Variants in PRKN observed in about 807,000 individuals in gnomAD.
The protein encoded by PRKN is parkin RBR E3 ubiquitin protein ligase.
Under a neutral mutation model 59.5 loss-of-function variants are expected in PRKN, and 56 were observed. That is an observed-to-expected ratio of 0.94 (90% CI 0.76 to 1.18). The LOEUF is 1.18. Among genes scored for constraint, PRKN ranks in the 50% most tolerant of loss-of-function variants. The pLI, the probability that PRKN is intolerant of heterozygous loss-of-function variation, is 0.00. For synonymous variants in PRKN, 250 were observed against 222.1 expected, an observed-to-expected ratio of 1.13 and a Z score of -1.12; for missense variants, 657 against 596.4, an observed-to-expected ratio of 1.10 and a Z score of -1.06.
At chr6:161,743,079 T>G (rs1788254997) in intron 7 of PRKN, among the ~76,000 whole-genome samples, 1 of 152,160 alleles carries the variant, frequency 6.6e-6, no homozygotes, top group African/African-American at 2.4e-5. Flanking sequence ...AGTTTCAACT[T>G]ATTGGCTGAA....
intron 4 of PRKN, among the ~76,000 whole-genome samples, chr6:162,135,786 CCTTTT>C (rs1323996691): frequency 6.6e-6 from 1 of 152,126 alleles, no homozygotes; most frequent in Non-Finnish European, 1.5e-5. Context: ...TTTTCAGTCT[CCTTTT>C]CTGACATTAC....
intron 4 of PRKN, among the ~76,000 whole-genome samples, chr6:162,111,734 C>T (rs550086956): frequency 1.1e-3 from 162 of 151,984 alleles, no homozygotes; most frequent in African/African-American, 3.5e-3. Context: ...AAAAATTTTC[C>T]TGGAGAGAGA....
intron 7 of PRKN, among the ~76,000 whole-genome samples, chr6:161,669,586 A>G (rs973901168): frequency 6.6e-5 from 10 of 152,264 alleles, no homozygotes; most frequent in African/African-American, 2.4e-4. Flanking sequence ...AGCATGCCCA[A>G]TATGTAACCT....
rs1786937142 is a variant in PRKN, at chr6:161,399,721, C to T, written c.1084-12844G>A. Among the ~76,000 whole-genome samples the T allele has an allele frequency of 6.6e-6, 1 of 151,966 alleles. No individual in the cohort carries two copies. The highest frequency in any genetic ancestry group is 1.5e-5 in the Non-Finnish European group (1 of 68,010). Reference sequence around the variant, plus strand: ...CCAATCCCAGTGCTAGGGATGATGCCAGCATTCTAGTGTAATTCACTCTGC... The same window carrying T: ...CCAATCCCAGTGCTAGGGATGATGCTAGCATTCTAGTGTAATTCACTCTGC... On this transcript the variant is annotated intron_variant, in intron 9 of 11. Coordinates refer to ENST00000366898, the MANE Select transcript of PRKN (RefSeq NM_004562.3). The surrounding 1 kb of genome is among the most constrained non-coding windows in gnomAD (Gnocchi z 4.4).
At chr6:161,604,140 A>G (rs1782195398) in intron 7 of PRKN, among the ~76,000 whole-genome samples, 1 of 152,240 alleles carries the variant, frequency 6.6e-6, no homozygotes, top group African/African-American at 2.4e-5. Context: ...GGACTAAGAC[A>G]GGAGACTTTT....
chr6:162,399,534 T>TAC (rs201632510), intron 2 of PRKN, among the ~76,000 whole-genome samples: 2 of 151,866 alleles, frequency 1.3e-5, no homozygotes, highest in African/African-American at 4.8e-5. Context: ...GAATAACACA[T>TAC]ACACACACAC....
At chr6:161,434,369 C>T (rs909632535) in intron 9 of PRKN, among the ~76,000 whole-genome samples, 14 of 152,150 alleles carry the variant, frequency 9.2e-5, no homozygotes, top group African/African-American at 1.7e-4. Context: ...CTAACGTCTA[C>T]GGTGCAGGGT....
At chr6:162,182,997 G>A (rs1005752735) in intron 4 of PRKN, among the ~76,000 whole-genome samples, 14 of 151,628 alleles carry the variant, frequency 9.2e-5, no homozygotes, top group African/African-American at 2.4e-4. Context: ...CTTTTCTGCC[G>A]ATTTGAAGAA....
intron 1 of PRKN, among the ~76,000 whole-genome samples, chr6:162,701,076 T>C (rs971489331): frequency 1.3e-5 from 2 of 152,182 alleles, no homozygotes; most frequent in African/African-American, 2.4e-5. Flanking sequence ...AAAAACTTGC[T>C]GAATAAAGGA....
intron 7 of PRKN, among the ~76,000 whole-genome samples, chr6:161,649,546 G>C (rs1028283638): frequency 6.6e-6 from 1 of 152,170 alleles, no homozygotes; most frequent in Non-Finnish European, 1.5e-5. Context: ...TATAAACCAG[G>C]TTCAGAATGG....
chr6:161,376,667 G>A lies in PRKN; in HGVS notation c.1167+10127C>T, dbSNP rs977783039. ...ACATCACGGCGATAGGGCAGCTCAC[G>A]CCCAGTGGTGGAGGGTGGATGCGAA... is the stretch of plus-strand genomic sequence containing the variant. On this transcript the variant is annotated intron_variant, in intron 10 of 11. Coordinates refer to ENST00000366898, the MANE Select transcript of PRKN (RefSeq NM_004562.3). This position sits in a 1 kb window ranked among gnomAD's most constrained non-coding sequence, Gnocchi z 7.3. 1.1e-4 allele frequency among the ~76,000 whole-genome samples: 17 copies of A among 152,198 alleles called. No individual in the cohort carries two copies. Among genetic ancestry groups the A allele is most frequent in the African/African-American group, 3.1e-4 (13 of 41,530 alleles).
intron 1 of PRKN, among the ~76,000 whole-genome samples, chr6:162,628,303 G>A (rs1782977455): frequency 1.3e-5 from 2 of 152,110 alleles, no homozygotes; most frequent in South Asian, 4.1e-4. Context: ...ATCCAGTTAA[G>A]AAATCAATGA....
chr6:162,714,222 CCT>C (rs1297064679), intron 1 of PRKN, among the ~76,000 whole-genome samples: 17 of 152,210 alleles, frequency 1.1e-4, no homozygotes, highest in East Asian at 5.8e-4. Context: ...CAAAACTACC[CCT>C]GATTTACAAG....
intron 1 of PRKN, among the ~76,000 whole-genome samples, chr6:162,723,410 G>C (rs979226499): frequency 6.6e-6 from 1 of 152,190 alleles, no homozygotes; most frequent in African/African-American, 2.4e-5. Flanking sequence ...AGGGAGGGCA[G>C]GGCCACCAAG....
chr6:161,366,078 G>A (rs1785185354), intron 10 of PRKN, among the ~76,000 whole-genome samples: 1 of 152,228 alleles, frequency 6.6e-6, no homozygotes, highest in Non-Finnish European at 1.5e-5. Flanking sequence ...CTACTGGAAG[G>A]TGGGGCCTTT....
intron 6 of PRKN, among the ~76,000 whole-genome samples, chr6:161,931,503 T>C (rs543931619): frequency 1.3e-5 from 2 of 152,220 alleles, no homozygotes; most frequent in South Asian, 4.2e-4. Flanking sequence ...TCTATATCTA[T>C]CCCTTGATAT....
chr6:162,043,884 T>C (rs1384144844), intron 5 of PRKN, among the ~76,000 whole-genome samples: 1 of 152,162 alleles, frequency 6.6e-6, no homozygotes, highest in East Asian at 1.9e-4. Flanking sequence ...ACTAAGCAGA[T>C]TCCCACTGAG....
intron 7 of PRKN, among the ~76,000 whole-genome samples, chr6:161,619,907 A>G (rs992894951): frequency 5.3e-5 from 8 of 151,844 alleles, no homozygotes; most frequent in Non-Finnish European, 1.2e-4. Flanking sequence ...ATATATTATT[A>G]AAATTAACTT....
At chr6:161,863,764 C>T (rs1006794561) in intron 6 of PRKN, among the ~76,000 whole-genome samples, 2 of 152,132 alleles carry the variant, frequency 1.3e-5, no homozygotes, top group Non-Finnish European at 1.5e-5. Context: ...ATAGGCATAG[C>T]TCATAGCTGT....
Sources: allele counts gnomAD v4.1 joint callset (sites outside exome capture counted in the v4.1 genomes callset), GRCh38; gene constraint gnomAD v4.1.1; non-coding constraint Gnocchi (gnomAD v3.1); transcripts MANE v1.5; gene names NCBI Gene and HGNC (gene_info 2026-07-23, HGNC 2026-07-21).